Variants in ZNRF3 observed in about 807,000 individuals in gnomAD.
ZNRF3 encodes the protein E3 ubiquitin-protein ligase ZNRF3.
ZNRF3 carries 23 observed loss-of-function variants against 72.5 expected under a neutral mutation model. The ratio of observed to expected loss-of-function variants is 0.32; its 90% CI spans 0.23 to 0.45. The LOEUF (loss-of-function observed/expected upper bound fraction) is 0.45. Among genes scored for constraint, ZNRF3 ranks in the 20% least tolerant of loss-of-function variants. ZNRF3 has a pLI of 1.00. For missense variants in ZNRF3, 1,169 were observed against 1,272.1 expected (o/e 0.92, Z 1.23); for synonymous variants, 610 against 545.3 (o/e 1.12, Z -1.65).
At chr22:28,954,329 C>T (rs994864347) in intron 1 of ZNRF3, among the ~76,000 whole-genome samples, 11 of 152,120 alleles carry the variant, frequency 7.2e-5, no homozygotes, top group Admixed American at 5.2e-4. Context: ...CCTCCTGTGG[C>T]GAAGAAAGTG....
chr22:28,926,327 C>G lies in ZNRF3; in HGVS notation c.300+42261C>G, dbSNP rs1037433759. On this transcript the variant is annotated intron_variant, in intron 1 of 8. Transcript: ENST00000544604. Reference sequence around the variant, plus strand: ...ATTGATTTGAAGAAAAATCTCTAAACAGTATTTTGTTTCTTTGATTGATTG... The same window carrying G: ...ATTGATTTGAAGAAAAATCTCTAAAGAGTATTTTGTTTCTTTGATTGATTG... 3.3e-5 allele frequency among the ~76,000 whole-genome samples: 5 copies of G among 152,060 alleles called. No individual in the cohort carries two copies. The East Asian group carries it at 9.6e-4, about 29-fold the overall frequency.
In ZNRF3 at chr22:29,050,043, C is replaced by A; in HGVS notation, c.1862C>A (p.Ala621Asp). The part of the protein sequence containing the change: ...GGSGSSGRGP[A>D]LCFEGSPPPE... ...TCGGGCAGCTCGGGCCGGGGACCTGCCCTGTGCTTCGAGGGCTCCCCGCCT... is the reference window on the plus strand; with the variant it reads ...TCGGGCAGCTCGGGCCGGGGACCTGACCTGTGCTTCGAGGGCTCCCCGCCT... Residue 621 changes from alanine to aspartate, a missense_variant, in exon 8 of 9, where the codon GCC becomes GAC. Ala to Asp is a moderately radical substitution (Grantham distance 126). Transcript: ENST00000544604. 2 of 1,608,894 alleles carry A rather than the reference C, an allele frequency of 1.2e-6. No homozygotes were observed. The highest frequency in any genetic ancestry group is 1.3e-5 in the African/African-American group (1 of 75,002).
chr22:29,020,851 C>A (rs557941528), intron 2 of ZNRF3, among the ~76,000 whole-genome samples: 2 of 150,674 alleles, frequency 1.3e-5, no homozygotes, highest in African/African-American at 4.9e-5. Flanking sequence ...GGCTGGAGTG[C>A]AGTGGGGCGA....
At chr22:28,884,574 A>G (rs1008491972) in intron 1 of ZNRF3, among the ~76,000 whole-genome samples, 1 of 152,026 alleles carries the variant, frequency 6.6e-6, no homozygotes. Context: ...GGCGCCGGTG[A>G]CCCTTCTGCG....
At chr22:29,035,814 A>G (rs760532366) in intron 2 of ZNRF3, among the ~76,000 whole-genome samples, 64 of 151,998 alleles carry the variant, frequency 4.2e-4, no homozygotes, top group Non-Finnish European at 7.1e-4. Context: ...TCCTGAACTA[A>G]GGCAATCCAC....
intron 2 of ZNRF3, chr22:29,026,844 T>A (rs2036645481): frequency 6.6e-6 from 1 of 152,248 alleles, no homozygotes; most frequent in Non-Finnish European, 1.5e-5. Context: ...GACCCAGACT[T>A]CTGCTTTGGG....
intron 2 of ZNRF3, chr22:29,031,591 T>C: frequency 1.0e-6 from 1 of 985,636 alleles, no homozygotes; most frequent in Non-Finnish European, 1.2e-6. Flanking sequence ...TGGTCACTAC[T>C]AAGTGAAGAA....
chr22:28,921,452 C>T (rs1297156556), intron 1 of ZNRF3, among the ~76,000 whole-genome samples: 1 of 152,186 alleles, frequency 6.6e-6, no homozygotes, highest in Non-Finnish European at 1.5e-5. Context: ...CAAAGGGCTC[C>T]TCCGAATGAG....
At chr22:28,896,663 G>T (rs940955979) in intron 1 of ZNRF3, among the ~76,000 whole-genome samples, 5 of 152,234 alleles carry the variant, frequency 3.3e-5, no homozygotes, top group African/African-American at 9.6e-5. Context: ...ATATCGCTGG[G>T]TACCTGGAGA....
At chr22:28,936,989 C>T (rs1472665852) in intron 1 of ZNRF3, among the ~76,000 whole-genome samples, 2 of 151,826 alleles carry the variant, frequency 1.3e-5, no homozygotes, top group Non-Finnish European at 2.9e-5. Flanking sequence ...AACATGACAC[C>T]TCATTCATCT....
At chr22:29,053,544 T>C in intron 8 of ZNRF3, 35 bp from the exon 9 acceptor site, 1 of 1,611,572 alleles carries the variant, frequency 6.2e-7, no homozygotes, top group African/African-American at 1.3e-5. Flanking sequence ...TGGTGCCAGC[T>C]CCCTCCCCTG....
At chr22:28,893,772 A>G (rs191946895) in intron 1 of ZNRF3, among the ~76,000 whole-genome samples, 59 of 152,370 alleles carry the variant, frequency 3.9e-4, no homozygotes, top group South Asian at 1.0e-3. Context: ...TGCTGGGATT[A>G]TAGGCGTGAG....
intron 1 of ZNRF3, among the ~76,000 whole-genome samples, chr22:28,969,528 C>T (rs1042618697): frequency 2.0e-5 from 3 of 152,016 alleles, no homozygotes; most frequent in African/African-American, 7.2e-5. Flanking sequence ...TGCAAAAAAC[C>T]TATGGTAGGT....
intron 1 of ZNRF3, among the ~76,000 whole-genome samples, chr22:28,947,377 C>T (rs750090544): frequency 5.9e-5 from 9 of 152,088 alleles, no homozygotes; most frequent in Non-Finnish European, 8.8e-5. Flanking sequence ...TACTTAGGAG[C>T]GGAATTGCTG....
intron 8 of ZNRF3, among the ~76,000 whole-genome samples, chr22:29,052,817 AAT>A: frequency 6.6e-6 from 1 of 150,672 alleles, no homozygotes; most frequent in South Asian, 2.1e-4. Flanking sequence ...CTTAAAAAAA[AAT>A]TTAAAAAAAA....
At chr22:28,944,143 G>T (rs1444148702) in intron 1 of ZNRF3, among the ~76,000 whole-genome samples, 1 of 152,130 alleles carries the variant, frequency 6.6e-6, no homozygotes, top group East Asian at 1.9e-4. Context: ...CTGGTGGGGA[G>T]GGTGGCTTGT....
At chr22:29,004,668 G>A (rs1258355310) in intron 2 of ZNRF3, among the ~76,000 whole-genome samples, 5 of 150,818 alleles carry the variant, frequency 3.3e-5, no homozygotes, top group South Asian at 2.1e-4. Context: ...TCTCTTCCTC[G>A]CCCTCCCCCA....
rs1321644222 is a variant in ZNRF3, at chr22:29,053,692, C to A, written c.*70C>A. 5 of 1,482,574 alleles carry A rather than the reference C, an allele frequency of 3.4e-6. No individual in the cohort carries two copies. The highest frequency in any genetic ancestry group is 4.6e-6 in the Non-Finnish European group (5 of 1,094,638). 91.8% of individuals were successfully genotyped at this position (1,482,574 alleles called of 1,614,324 possible). A position where few individuals can be genotyped will look rare whatever the true frequency, so the allele number is the denominator to read the frequency against. ...CTCCAAACTGACTTCTTTCAAAAAA[C>A]AAAAACAAAAAATTTTTTTAGCTTT... On this transcript the variant is annotated 3_prime_UTR_variant, in exon 9 of 9. Coordinates refer to ENST00000544604, the MANE Select transcript of ZNRF3 (RefSeq NM_001206998.2).
chr22:29,023,912 T>C (rs2036579829), intron 2 of ZNRF3, among the ~76,000 whole-genome samples: 1 of 152,174 alleles, frequency 6.6e-6, no homozygotes, highest in Non-Finnish European at 1.5e-5. Context: ...TGCTTATTTG[T>C]GGGGGTTACA....
Sources: gnomAD v4.1 joint callset for allele counts (sites outside exome capture counted in the v4.1 genomes callset) on GRCh38, gnomAD v4.1.1 for gene constraint, MANE v1.5 for transcripts, NCBI Gene and HGNC (gene_info 2026-07-23, HGNC 2026-07-21) for gene names.